The following SHROOM4 variants were observed in gnomAD, a reference collection of about 807,000 sequenced individuals.
SHROOM4 encodes shroom family member 4.
A neutral mutation model predicts 80.3 loss-of-function variants in SHROOM4; 17 were observed. That is an observed-to-expected ratio of 0.21 (90% CI 0.14 to 0.32). The LOEUF (loss-of-function observed/expected upper bound fraction) is 0.32. Ranked by LOEUF, SHROOM4 falls within the 10% of genes least tolerant of loss-of-function variation. The pLI is 1.00. For missense variants in SHROOM4, 993 were observed against 1,140.3 expected (o/e 0.87, Z 1.86); for synonymous variants, 400 against 437.5 (o/e 0.91, Z 1.07).
chrX:50,717,264 C>T (rs782520398), intron 1 of SHROOM4, among the ~76,000 whole-genome samples: 61 of 111,830 alleles, frequency 5.5e-4, no homozygotes, highest in South Asian at 4.6e-3. Context: ...CATCACCAGG[C>T]TGCAGTGCAT....
At chrX:50,597,550 C>T (rs1557246895) in intron 8 of SHROOM4, among the ~76,000 whole-genome samples, 1 of 111,780 alleles carries the variant, frequency 8.9e-6, no homozygotes, top group African/African-American at 3.3e-5. Context: ...ACCTCCCCCT[C>T]CAACTCTAGA....
intron 2 of SHROOM4, among the ~76,000 whole-genome samples, chrX:50,676,422 T>C (rs1557261302): frequency 9.0e-6 from 1 of 111,413 alleles, no homozygotes; most frequent in African/African-American, 3.3e-5. Context: ...CTATGGACAT[T>C]AAATTGGCTG....
At chrX:50,617,749 G>C (rs1414593479) in intron 5 of SHROOM4, among the ~76,000 whole-genome samples, 1 of 108,811 alleles carries the variant, frequency 9.2e-6, no homozygotes, top group African/African-American at 3.4e-5. Flanking sequence ...CTGGGCACAA[G>C]GCAACTTGGG....
chrX:50,772,813 T>A, intron 1 of SHROOM4, among the ~76,000 whole-genome samples: 1 of 111,851 alleles, frequency 8.9e-6, no homozygotes. Flanking sequence ...ATACCTATCA[T>A]ATGCTAGGAA....
At chrX:50,763,202 T>C (rs1935196779) in intron 1 of SHROOM4, among the ~76,000 whole-genome samples, 2 of 111,780 alleles carry the variant, frequency 1.8e-5, no homozygotes, top group Non-Finnish European at 3.8e-5. Flanking sequence ...TCCTTTCCAT[T>C]GTTGTAATTT....
At chrX:50,796,555 C>G (rs1557272135) in intron 1 of SHROOM4, among the ~76,000 whole-genome samples, 1 of 111,068 alleles carries the variant, frequency 9.0e-6, no homozygotes, top group Non-Finnish European at 1.9e-5. Context: ...GGATTTTAAC[C>G]CACCTCTGAG....
chrX:50,788,474 G>T (rs1474199530), intron 1 of SHROOM4, among the ~76,000 whole-genome samples: 1 of 110,795 alleles, frequency 9.0e-6, no homozygotes, highest in African/African-American at 3.3e-5. Flanking sequence ...GGGCGTGGTG[G>T]CGGGCGCCTG....
chrX:50,667,316 T>C (rs1602418630), intron 2 of SHROOM4, among the ~76,000 whole-genome samples: 1 of 112,036 alleles, frequency 8.9e-6, no homozygotes, highest in Non-Finnish European at 1.9e-5. Flanking sequence ...ACAAACAGCT[T>C]AGGTACTTAA....
In SHROOM4 at chrX:50,590,910, T is replaced by C. The variant is rs1557245338; in HGVS notation, c.*5785A>G. 8.9e-6 allele frequency among the ~76,000 whole-genome samples: 1 copy of C among 112,243 alleles called. No individual in the cohort carries two copies. The highest frequency in any genetic ancestry group is 1.9e-5 in the Non-Finnish European group (1 of 53,227). On this transcript the variant is annotated 3_prime_UTR_variant, in exon 9 of 9. Coordinates refer to ENST00000376020, the MANE Select transcript of SHROOM4 (RefSeq NM_020717.5). ...TGTTGCTTGTCTTTTCACTTTTTTA[T>C]ATGGTATATTTTTAGCACAAAAGTT...
At chrX:50,577,099 A>G in the SHROOM4 span, among the ~76,000 whole-genome samples, 2 of 112,295 alleles carry the variant, frequency 1.8e-5, no homozygotes, top group African/African-American at 6.5e-5. Flanking sequence ...AACTTACTTT[A>G]GCCATAGCAA....
intron 1 of SHROOM4, among the ~76,000 whole-genome samples, chrX:50,792,685 C>T (rs1935877353): frequency 9.2e-6 from 1 of 109,149 alleles, no homozygotes; most frequent in African/African-American, 3.3e-5. Context: ...AAATAAGACA[C>T]ATAAACAGCC....
At chrX:50,761,403 C>T (rs1420195605) in intron 1 of SHROOM4, among the ~76,000 whole-genome samples, 1 of 112,097 alleles carries the variant, frequency 8.9e-6, no homozygotes, top group African/African-American at 3.2e-5. Flanking sequence ...TAGGTGTCCC[C>T]TTTTCTCTAC....
At chrX:50,658,897 G>A (rs1557259719) in intron 2 of SHROOM4, among the ~76,000 whole-genome samples, 1 of 111,550 alleles carries the variant, frequency 9.0e-6, no homozygotes, top group Non-Finnish European at 1.9e-5. Flanking sequence ...CAGCATTCAG[G>A]CAGGAATGCT....
intron 1 of SHROOM4, among the ~76,000 whole-genome samples, chrX:50,699,569 T>C (rs184053745): frequency 0.055 from 6,155 of 112,142 alleles, 447 homozygotes; most frequent in African/African-American, 0.19. Context: ...ATCTCTCAAT[T>C]CCCCTGGTCT....
intron 5 of SHROOM4, among the ~76,000 whole-genome samples, chrX:50,609,132 C>T (rs12010204): frequency 0.075 from 8,218 of 108,958 alleles, 641 homozygotes; most frequent in African/African-American, 0.24. Flanking sequence ...CATGATGGTG[C>T]GTGCCTTTAG....
intron 2 of SHROOM4, among the ~76,000 whole-genome samples, chrX:50,680,451 G>C (rs2147413955): frequency 9.0e-6 from 1 of 110,992 alleles, no homozygotes; most frequent in South Asian, 3.8e-4. Context: ...CCTTTATCTA[G>C]ATTCACCAAC....
chrX:50,810,502 C>G (rs1936308519), intron 1 of SHROOM4, among the ~76,000 whole-genome samples: 1 of 111,449 alleles, frequency 9.0e-6, no homozygotes, highest in Non-Finnish European at 1.9e-5. Context: ...CCATTTTCCA[C>G]CATGCTTCCT....
chrX:50,696,003 T>C, intron 1 of SHROOM4, 66 bp from the exon 2 acceptor site: 1 of 1,163,730 alleles, frequency 8.6e-7, no homozygotes, highest in Admixed American at 2.2e-5. Flanking sequence ...ATTCTACTTG[T>C]TTCTTCCAAC....
intron 1 of SHROOM4, among the ~76,000 whole-genome samples, chrX:50,737,457 A>T (rs1371755289): frequency 8.9e-6 from 1 of 111,850 alleles, no homozygotes; most frequent in African/African-American, 3.2e-5. Flanking sequence ...GCTATCTACA[A>T]GACACATATT....
Sources: allele counts gnomAD v4.1 joint callset (sites outside exome capture counted in the v4.1 genomes callset), GRCh38; gene constraint gnomAD v4.1.1; transcripts MANE v1.5; gene names NCBI Gene and HGNC (gene_info 2026-07-23, HGNC 2026-07-21).